Variants in DEPDC1 observed in about 807,000 individuals in gnomAD.
DEPDC1 encodes DEP domain-containing protein 1A.
In DEPDC1, 66 loss-of-function variants were observed where a neutral mutation model predicts 86.8. The observed-to-expected ratio is 0.76, with a 90% CI of 0.62 to 0.93. The LOEUF is 0.93. Among genes scored for constraint, DEPDC1 ranks in the 40% least tolerant of loss-of-function variants. The pLI is 0.00. For missense variants in DEPDC1, 792 were observed against 935.7 expected (o/e 0.85, Z 2.00); for synonymous variants, 255 against 314.9 (o/e 0.81, Z 2.02).
intron 7 of DEPDC1, 97 bp from the exon 8 acceptor site, chr1:68,482,994 A>G (rs1189558126): frequency 8.7e-6 from 11 of 1,270,908 alleles, no homozygotes; most frequent in Non-Finnish European, 1.2e-5. Flanking sequence ...AAGCATTACT[A>G]TAGTATATAT....
chr1:68,491,532 G>C (rs902333579), intron 2 of DEPDC1, among the ~76,000 whole-genome samples: 1 of 152,186 alleles, frequency 6.6e-6, no homozygotes, highest in Non-Finnish European at 1.5e-5. Context: ...TGGCAAGGTT[G>C]CGGAGAAAAT....
At chr1:68,486,799 TATAA>T (rs1646195343) in intron 6 of DEPDC1, 134 bp downstream of exon 6, 3 of 1,076,338 alleles carry the variant, frequency 2.8e-6, no homozygotes, top group Admixed American at 4.2e-5. Context: ...GACTTTCATT[TATAA>T]ATAAAGAGAA....
In DEPDC1 at chr1:68,475,003, A is replaced by G. The variant is rs1220840261; in HGVS notation, c.*1929T>C. ...GGTGATTCTAGTAAAATATTTATAGAGTGCTTATTCTATGTGAGACACTGT... is the reference window on the plus strand; with the variant it reads ...GGTGATTCTAGTAAAATATTTATAGGGTGCTTATTCTATGTGAGACACTGT... On this transcript the variant is annotated 3_prime_UTR_variant, in exon 12 of 12. Coordinates refer to ENST00000456315, the MANE Select transcript of DEPDC1 (RefSeq NM_001114120.3). The G allele has an allele frequency of 2.6e-5, 4 of 152,024 alleles. No individual in the cohort carries two copies. The highest frequency in any genetic ancestry group is 4.4e-5 in the Non-Finnish European group (3 of 67,918). 9.4% of individuals were successfully genotyped at this position (152,024 alleles called of 1,614,324 possible).
Position 68,477,882 on chromosome 1 carries a change from C to A in DEPDC1, c.2203G>T (p.Val735Phe), listed in dbSNP as rs752292385. 5.0e-6 allele frequency: 8 copies of A among 1,589,512 alleles called. No homozygotes were observed. The Admixed American group carries it at 1.2e-4, about 24-fold the overall frequency. The change falls in exon 11 of 12, where the codon GTT becomes TTT. Residue 735 changes from valine (V) to phenylalanine (F), a missense_variant. Physicochemically the swap from Val to Phe is conservative, Grantham distance 50 (BLOSUM62 -1). Coordinates refer to ENST00000456315, the MANE Select transcript of DEPDC1 (RefSeq NM_001114120.3). Reference sequence around the variant, plus strand: ...GCAATTGCAGCTTGAGAGGTAGAAACTTTTTGCTCATCAAACTCCTGAGCA... The same window carrying A: ...GCAATTGCAGCTTGAGAGGTAGAAAATTTTTGCTCATCAAACTCCTGAGCA... ...ISAQEFDEQK[V>F]STSQAAIAEL...
chr1:68,481,627 T>C lies in DEPDC1; in HGVS notation c.1763-15A>G. 2 of 1,473,974 alleles carry C rather than the reference T, an allele frequency of 1.4e-6. No individual in the cohort carries two copies. The highest frequency in any genetic ancestry group is 2.2e-5 in the Admixed American group (1 of 45,822). The allele number at this position is 1,473,974 out of a possible 1,614,324, so 91.3% of individuals were successfully genotyped here. ...TTGCAGCAAGCCTAGAATACAAAAA[T>C]ACCCCCCCAAAAATCATCAATGACA... On this transcript the variant is annotated splice_polypyrimidine_tract_variant and intron_variant, in intron 8 of 11. Coordinates refer to ENST00000456315, the MANE Select transcript of DEPDC1 (RefSeq NM_001114120.3).
At position 68,481,410 on chromosome 1, in the gene DEPDC1, A is replaced by C. The variant is rs767012716; in HGVS notation, c.1935+30T>G. On this transcript the variant is annotated intron_variant, in intron 9 of 11. Coordinates refer to ENST00000456315, the MANE Select transcript of DEPDC1 (RefSeq NM_001114120.3). ...TTTGTTATTTTGGTTTATGAATCAG[A>C]CTTATTCTTTCTATAAGAAATCAAC... is the stretch of plus-strand genomic sequence containing the variant. 10 of 1,587,222 alleles carry C rather than the reference A, an allele frequency of 6.3e-6. No individual in the cohort carries two copies. The Admixed American group carries it at 1.7e-4, about 27-fold the overall frequency.
chr1:68,484,153 C>T (rs1646177080), intron 6 of DEPDC1, 63 bp from the exon 7 acceptor site: 2 of 1,259,516 alleles, frequency 1.6e-6, no homozygotes, highest in Middle Eastern at 2.7e-4. Context: ...AATTTTTAAA[C>T]ATAAAAAGTA....
At chr1:68,480,814 A>G (rs908667773) in intron 9 of DEPDC1, among the ~76,000 whole-genome samples, 1 of 151,978 alleles carries the variant, frequency 6.6e-6, no homozygotes, top group African/African-American at 2.4e-5. Context: ...ATTCCTTGCT[A>G]TAAGAACCTC....
intron 6 of DEPDC1, 91 bp downstream of exon 6, chr1:68,486,846 A>G: frequency 7.9e-7 from 1 of 1,260,868 alleles, no homozygotes; most frequent in Non-Finnish European, 1.0e-6. Flanking sequence ...GGACTTTATT[A>G]AATTTCCTTG....
chr1:68,483,940 C>A lies in DEPDC1; in HGVS notation c.910+10G>T. 2 of 1,452,038 alleles carry A rather than the reference C, an allele frequency of 1.4e-6. No individual in the cohort carries two copies. The highest frequency in any genetic ancestry group is 1.5e-5 in the African/African-American group (1 of 68,622). 89.9% of individuals were successfully genotyped at this position (1,452,038 alleles called of 1,614,324 possible). ...CAAAATGAACTAAAATCAGTAAAATCTATACATACCCAAAATGTTTACAAA... is the reference window on the plus strand; with the variant it reads ...CAAAATGAACTAAAATCAGTAAAATATATACATACCCAAAATGTTTACAAA... On this transcript the variant is annotated intron_variant, in intron 7 of 11. Transcript: ENST00000456315.
In DEPDC1 at chr1:68,478,581, CAT is replaced by C. The variant is rs71686697; in HGVS notation, c.2112+561_2112+562del. 8.7e-3 allele frequency among the ~76,000 whole-genome samples: 1,316 copies of C among 151,706 alleles called. 16 individuals carry two copies. The highest frequency in any genetic ancestry group is 0.031 in the African/African-American group (1,270 of 41,414). ...ATGGTATGTATGGGAAAAACATAAACATGTGTTGGGCAGCCAAAGACAGAATA... is the reference window on the plus strand; with the variant it reads ...ATGGTATGTATGGGAAAAACATAAACGTGTTGGGCAGCCAAAGACAGAATA... On this transcript the variant is annotated intron_variant, in intron 10 of 11. Coordinates refer to ENST00000456315, the MANE Select transcript of DEPDC1 (RefSeq NM_001114120.3).
rs1329116800 is a variant in DEPDC1, at chr1:68,477,871, A to C, written c.2214T>G (p.Ser738=). Residue 738 remains serine, a synonymous_variant, in exon 11 of 12, where the codon TCT becomes TCG. Transcript: ENST00000456315. ...QEFDEQKVST[S]QAAIAELLEN... ...CTAAAAGTTCTGCAATTGCAGCTTG[A>C]GAGGTAGAAACTTTTTGCTCATCAA... The C allele has an allele frequency of 1.3e-6, 2 of 1,590,408 alleles. No individual in the cohort carries two copies. The highest frequency in any genetic ancestry group is 1.7e-6 in the Non-Finnish European group (2 of 1,167,690).
intron 8 of DEPDC1, 155 bp downstream of exon 8, chr1:68,481,891 A>G: frequency 2.6e-6 from 2 of 778,496 alleles, no homozygotes; most frequent in Middle Eastern, 3.7e-4. Flanking sequence ...AACAGAATAA[A>G]TCTTGGTTAT....
Position 68,489,489 on chromosome 1 carries a change from C to T in DEPDC1, c.434G>A (p.Arg145His), listed in dbSNP as rs758121846. 5 of 1,526,378 alleles carry T rather than the reference C, an allele frequency of 3.3e-6. No homozygotes were observed. The highest frequency in any genetic ancestry group is 3.5e-6 in the Non-Finnish European group (4 of 1,148,272). 94.6% of individuals were successfully genotyped at this position (1,526,378 alleles called of 1,614,324 possible). Residue 145 changes from arginine (R) to histidine (H), a missense_variant, in exon 3 of 12, where the codon CGT (arginine) becomes CAT (histidine). Physicochemically the swap from Arg to His is conservative, Grantham distance 29. Coordinates refer to ENST00000456315, the MANE Select transcript of DEPDC1 (RefSeq NM_001114120.3). ...DSIFKLRNLS[R>H]RTPKRHGLHL... ...TAATCCATGCCTTTTAGGAGTTCTACGAGATAAGTTTCGTAATTTAAAAAT... is the reference window on the plus strand; with the variant it reads ...TAATCCATGCCTTTTAGGAGTTCTATGAGATAAGTTTCGTAATTTAAAAAT...
At chr1:68,492,924 T>C (rs1204541182) in intron 2 of DEPDC1, among the ~76,000 whole-genome samples, 1 of 152,136 alleles carries the variant, frequency 6.6e-6, no homozygotes, top group Non-Finnish European at 1.5e-5. Context: ...TAGAGGGTGA[T>C]AGTCATTTTT....
intron 6 of DEPDC1, 105 bp downstream of exon 6, chr1:68,486,832 A>C: frequency 8.5e-7 from 1 of 1,183,222 alleles, no homozygotes; most frequent in Non-Finnish European, 1.1e-6. Flanking sequence ...CTTTAATTTT[A>C]TCAGGACTTT....
At position 68,477,847 on chromosome 1, in the gene DEPDC1, T is replaced by G. The variant is rs1385468208; in HGVS notation, c.2238A>C (p.Leu746Phe). Residue 746 changes from leucine to phenylalanine, a missense_variant, in exon 11 of 12, where the codon TTA (leucine) becomes TTC (phenylalanine). Coordinates refer to ENST00000456315, the MANE Select transcript of DEPDC1 (RefSeq NM_001114120.3). ...AACTCCTGTTTTTAATAATATTTTC[T>G]AAAAGTTCTGCAATTGCAGCTTGAG... ...STSQAAIAEL[L>F]ENIIKNRSLP... 1.9e-6 allele frequency: 3 copies of G among 1,581,728 alleles called. No individual in the cohort carries two copies. In the African/African-American group the frequency reaches 4.1e-5, roughly 21 times the overall value.
Position 68,496,838 on chromosome 1 carries a change from C to T in DEPDC1, c.48+114G>A. ...CAGCCTTTTCACTGAACCTAGGGAT[C>T]CTGGGACTCATCCCTCCGACCGAGG... On this transcript the variant is annotated intron_variant, in intron 1 of 11. Transcript: ENST00000456315. The surrounding 1 kb of genome is among the most constrained non-coding windows in gnomAD (Gnocchi z 4.0). 1 of 1,052,464 alleles carries T rather than the reference C, an allele frequency of 9.5e-7. No homozygotes were observed. Among genetic ancestry groups the T allele is most frequent in the Non-Finnish European group, 1.4e-6 (1 of 695,774 alleles). The allele number at this position is 1,052,464 out of a possible 1,614,324, so 65.2% of individuals were successfully genotyped here.
rs765122647 is a variant in DEPDC1, at chr1:68,488,394, A to G, written c.701T>C (p.Val234Ala). 2.5e-6 allele frequency: 4 copies of G among 1,589,256 alleles called. No individual in the cohort carries two copies. In the African/African-American group the frequency reaches 4.1e-5, roughly 16 times the overall value. Residue 234 changes from valine to alanine, a missense_variant, in exon 5 of 12, where the codon GTT becomes GCT. Transcript: ENST00000456315. ...NMANTSKRGV[V>A]ILQNKSDDLP... ...CCAACCTGATTTGTTTTGTAGTATA[A>G]CTACTCCACGTTTACTTGTATTGGC... is the stretch of plus-strand genomic sequence containing the variant.
Sources: allele counts gnomAD v4.1 joint callset (sites outside exome capture counted in the v4.1 genomes callset), GRCh38; gene constraint gnomAD v4.1.1; non-coding constraint Gnocchi (gnomAD v3.1); transcripts MANE v1.5; gene names NCBI Gene and HGNC (gene_info 2026-07-23, HGNC 2026-07-21).